ACYP2: variants seen among roughly 807,000 people sequenced by gnomAD.
ACYP2 encodes acylphosphatase-2.
A neutral mutation model predicts 11.2 loss-of-function variants in ACYP2; 12 were observed. The observed-to-expected ratio is 1.08, with a 90% CI of 0.69 to 1.74. The LOEUF (loss-of-function observed/expected upper bound fraction) is 1.74. Ranked by LOEUF, ACYP2 falls within the 40% of genes most tolerant of loss-of-function variation. ACYP2 has a pLI of 0.00. For synonymous variants in ACYP2, 43 were observed against 32.2 expected, an observed-to-expected ratio of 1.33 and a Z score of -1.13; for missense variants, 134 against 101.9, an observed-to-expected ratio of 1.31 and a Z score of -1.35.
intron 4 of ACYP2, among the ~76,000 whole-genome samples, chr2:54,124,860 G>A (rs1160032510): frequency 1.3e-5 from 2 of 152,038 alleles, no homozygotes; most frequent in East Asian, 3.9e-4. Flanking sequence ...GTGCTATCAT[G>A]TGCTATCTAA....
chr2:54,177,901 CTTTATTTTTTTT>C (rs1298440294), intron 6 of ACYP2, among the ~76,000 whole-genome samples: 4 of 124,044 alleles, frequency 3.2e-5, no homozygotes, highest in African/African-American at 1.5e-4. Flanking sequence ...TTCTTTCTTT[CTTTATTTTTTTT>C]TTTTTTTTTG....
chr2:54,163,590 C>T (rs552899748), intron 6 of ACYP2, among the ~76,000 whole-genome samples: 1 of 152,262 alleles, frequency 6.6e-6, no homozygotes, highest in Admixed American at 6.5e-5. Flanking sequence ...GGCGGTGGCT[C>T]ACGCCCGTAA....
intron 2 of ACYP2, among the ~76,000 whole-genome samples, chr2:54,044,285 T>G (rs753480994): frequency 7.9e-5 from 12 of 152,120 alleles, no homozygotes; most frequent in Non-Finnish European, 1.2e-4. Context: ...AGGGAAAGTT[T>G]TGGAAAGCTT....
intron 6 of ACYP2, among the ~76,000 whole-genome samples, chr2:54,257,979 A>G (rs1687628584): frequency 6.6e-6 from 1 of 152,208 alleles, no homozygotes; most frequent in Non-Finnish European, 1.5e-5. Context: ...CCATTTTTAT[A>G]TTTATTAAAC....
At chr2:54,201,679 T>TC (rs1558609198) in intron 6 of ACYP2, among the ~76,000 whole-genome samples, 36 of 115,486 alleles carry the variant, frequency 3.1e-4, no homozygotes, top group East Asian at 4.7e-4. Flanking sequence ...TCTTTCTTTC[T>TC]TTCTCTCTCT....
intron 6 of ACYP2, among the ~76,000 whole-genome samples, chr2:54,249,940 C>CAAAAA (rs1015312135): frequency 1.1e-4 from 5 of 44,454 alleles, no homozygotes; most frequent in Non-Finnish European, 2.0e-4. Flanking sequence ...GACCCTGTCT[C>CAAAAA]AAAAAAAAAA....
chr2:54,075,257 G>A (rs185331255), intron 4 of ACYP2, among the ~76,000 whole-genome samples: 83 of 152,270 alleles, frequency 5.5e-4, no homozygotes, highest in Non-Finnish European at 1.1e-3. Context: ...CCAGCAGTTT[G>A]TAAGGCCTAG....
intron 6 of ACYP2, among the ~76,000 whole-genome samples, chr2:54,268,255 A>C (rs1251587955): frequency 6.6e-6 from 1 of 152,222 alleles, no homozygotes; most frequent in Non-Finnish European, 1.5e-5. Context: ...GACAGACTTT[A>C]GTAGCTGCAA....
chr2:54,144,404 G>T (rs116002441), intron 6 of ACYP2, among the ~76,000 whole-genome samples: 2 of 152,030 alleles, frequency 1.3e-5, no homozygotes, highest in African/African-American at 4.8e-5. Flanking sequence ...CGGCCGGTGC[G>T]GTGGCTCACG....
At position 54,042,455 on chromosome 2, in the gene ACYP2, T is replaced by C. The variant is rs983222266; in HGVS notation, c.63-8503T>C. ...GTCATAGAGTACAGGGGTTATTCTG[T>C]TTAAGTTTTTCCTTAGATTGTTTAG... On this transcript the variant is annotated intron_variant, in intron 2 of 6. Coordinates refer to ENST00000607452, the MANE Select transcript of ACYP2 (RefSeq NM_001320586.2). Among the ~76,000 whole-genome samples, 5 of 152,236 alleles carry C rather than the reference T, an allele frequency of 3.3e-5. No homozygotes were observed. In the East Asian group the frequency reaches 9.6e-4, roughly 29 times the overall value.
intron 6 of ACYP2, among the ~76,000 whole-genome samples, chr2:54,177,906 T>C (rs1446840672): frequency 2.9e-4 from 8 of 27,832 alleles, no homozygotes; most frequent in South Asian, 1.7e-3. Flanking sequence ...TCTTTCTTTA[T>C]TTTTTTTTTT....
In ACYP2 at chr2:54,021,612, A is replaced by C. The variant is rs186017496; in HGVS notation, c.63-29346A>C. ...AGGTTCTTAAAAGGCTCTGAAGCGCAAAAGTGGGGTTCCCAGAAATGTCCA... is the reference window on the plus strand; with the variant it reads ...AGGTTCTTAAAAGGCTCTGAAGCGCCAAAGTGGGGTTCCCAGAAATGTCCA... On this transcript the variant is annotated intron_variant, in intron 2 of 6. Coordinates refer to ENST00000607452, the MANE Select transcript of ACYP2 (RefSeq NM_001320586.2). Among the ~76,000 whole-genome samples the C allele has an allele frequency of 1.2e-4, 18 of 152,370 alleles. No individual in the cohort carries two copies. The East Asian group carries it at 3.3e-3, about 28-fold the overall frequency.
intron 6 of ACYP2, among the ~76,000 whole-genome samples, chr2:54,271,025 G>A (rs1279811487): frequency 2.0e-5 from 3 of 152,198 alleles, no homozygotes; most frequent in Non-Finnish European, 4.4e-5. Context: ...CGTTTGCAGA[G>A]ATGATAAAAG....
At chr2:54,256,423 A>AGC (rs1687538174) in intron 6 of ACYP2, among the ~76,000 whole-genome samples, 1 of 152,138 alleles carries the variant, frequency 6.6e-6, no homozygotes. Flanking sequence ...AAGTCTAATG[A>AGC]GCTGAGAACC....
chr2:54,154,052 G>GTT (rs879355751), intron 6 of ACYP2, among the ~76,000 whole-genome samples: 1 of 144,758 alleles, frequency 6.9e-6, no homozygotes, highest in Non-Finnish European at 1.5e-5. Flanking sequence ...TTCTCCTAAG[G>GTT]TTTTTTTTTT....
chr2:54,244,021 T>C (rs969312681), intron 6 of ACYP2, among the ~76,000 whole-genome samples: 1 of 152,084 alleles, frequency 6.6e-6, no homozygotes, highest in African/African-American at 2.4e-5. Context: ...TTTCCTTTGT[T>C]TTCTTCTAGT....
intron 2 of ACYP2, among the ~76,000 whole-genome samples, chr2:54,035,326 T>C (rs1291239093): frequency 2.0e-5 from 3 of 147,276 alleles, no homozygotes; most frequent in Non-Finnish European, 4.5e-5. Context: ...AGGGCAGTGG[T>C]GCGATCTCGG....
intron 6 of ACYP2, among the ~76,000 whole-genome samples, chr2:54,236,645 G>A (rs1686491023): frequency 6.6e-6 from 1 of 152,136 alleles, no homozygotes; most frequent in Non-Finnish European, 1.5e-5. Flanking sequence ...TGAAGCCAAT[G>A]TGTATATTCT....
intron 6 of ACYP2, among the ~76,000 whole-genome samples, chr2:54,246,779 A>G (rs768844627): frequency 7.2e-5 from 11 of 152,122 alleles, no homozygotes; most frequent in Non-Finnish European, 1.3e-4. Context: ...TTGTTCCTGA[A>G]TTGAGTGGGA....
Sources: gnomAD v4.1 joint callset for allele counts (sites outside exome capture counted in the v4.1 genomes callset) on GRCh38, gnomAD v4.1.1 for gene constraint, MANE v1.5 for transcripts, NCBI Gene and HGNC (gene_info 2026-07-23, HGNC 2026-07-21) for gene names.